TTC22: variants seen among roughly 807,000 people sequenced by gnomAD.
The protein encoded by TTC22 is tetratricopeptide repeat protein 22.
TTC22 carries 42 observed loss-of-function variants against 48.2 expected under a neutral mutation model. The observed-to-expected ratio is 0.87, with a 90% CI of 0.68 to 1.13. The LOEUF is 1.13. TTC22 is among the 50% of genes most tolerant of loss of function. The probability of loss-of-function intolerance (pLI) is 0.00; values close to 1 mark genes in which losing one functional copy is unlikely to be tolerated. For missense variants in TTC22, 784 were observed against 807.0 expected, an observed-to-expected ratio of 0.97 and a Z score of 0.34; for synonymous variants, 345 against 365.5, an observed-to-expected ratio of 0.94 and a Z score of 0.64.
chr1:54,782,620 C>T, intron 5 of TTC22, 143 bp from the exon 6 acceptor site: 4 of 889,986 alleles, frequency 4.5e-6, no homozygotes, highest in Non-Finnish European at 6.6e-6. Flanking sequence ...GGCCAGGACC[C>T]AGGAGTCCTA....
intron 1 of TTC22, among the ~76,000 whole-genome samples, chr1:54,796,741 ATTTAT>A (rs1403868933): frequency 6.6e-6 from 1 of 152,100 alleles, no homozygotes; most frequent in Non-Finnish European, 1.5e-5. Context: ...TTAAAAAGGG[ATTTAT>A]TTTATTTTAA....
intron 1 of TTC22, among the ~76,000 whole-genome samples, chr1:54,788,657 C>A (rs186512945): frequency 2.0e-5 from 3 of 152,254 alleles, no homozygotes; most frequent in Admixed American, 2.0e-4. Flanking sequence ...TTAATGAAAA[C>A]CAGTAAAACC....
intron 5 of TTC22, 100 bp from the exon 6 acceptor site, chr1:54,782,577 G>T: frequency 1.6e-6 from 2 of 1,279,072 alleles, no homozygotes; most frequent in South Asian, 1.5e-5. Flanking sequence ...ACAGCAACCA[G>T]GGAGGTTATG....
At chr1:54,784,841 G>T (rs1343105228) in intron 5 of TTC22, 2 of 1,291,542 alleles carry the variant, frequency 1.5e-6, no homozygotes, top group Non-Finnish European at 2.0e-6. Flanking sequence ...GCTCTGTGTG[G>T]GCTCTAGGAG....
chr1:54,799,685 C>T (rs1294650207), intron 1 of TTC22, among the ~76,000 whole-genome samples: 1 of 152,184 alleles, frequency 6.6e-6, no homozygotes, highest in African/African-American at 2.4e-5. Flanking sequence ...GACCTGGGTT[C>T]TTGTTGACCT....
At position 54,782,397 on chromosome 1, in the gene TTC22, G is replaced by A; in HGVS notation, c.1101C>T (p.Ala367=). 1 of 1,551,474 alleles carries A rather than the reference G, an allele frequency of 6.4e-7. No homozygotes were observed. The highest frequency in any genetic ancestry group is 8.7e-7 in the Non-Finnish European group (1 of 1,146,920). ...CTTCCTCAAGGTCAGCCTTGGCACA[G>A]GCCAGGTGGTTCCTGTCAGGCATGC... ...LGGMPDRNHL[A]CAKADLEEVV... Residue 367 remains alanine (A), a synonymous_variant, in exon 6 of 7, where the codon GCC becomes GCT. Transcript: ENST00000371276.
Position 54,800,588 on chromosome 1 carries a change from G to T in TTC22, c.567+9C>A. The T allele has an allele frequency of 2.0e-6, 3 of 1,495,118 alleles. No individual in the cohort carries two copies. Among genetic ancestry groups the T allele is most frequent in the Non-Finnish European group, 2.6e-6 (3 of 1,135,068 alleles). 92.6% of individuals were successfully genotyped at this position (1,495,118 alleles called of 1,614,324 possible). A position where few individuals can be genotyped will look rare whatever the true frequency, so the allele number is the denominator to read the frequency against. On this transcript the variant is annotated intron_variant, in intron 1 of 6. Transcript: ENST00000371276. ...CCCAGAGGGAGGTAGGGAGACAGGG[G>T]TCACCTACCTGCTGCCCGTAGCCTA...
In TTC22 at chr1:54,781,221, C is replaced by T. The variant is rs756013418; in HGVS notation, c.*22G>A. 1.8e-4 allele frequency: 253 copies of T among 1,417,526 alleles called. No individual in the cohort carries two copies. Among genetic ancestry groups the T allele is most frequent in the Non-Finnish European group, 2.2e-4 (237 of 1,095,084 alleles). 87.8% of individuals were successfully genotyped at this position (1,417,526 alleles called of 1,614,324 possible). On this transcript the variant is annotated 3_prime_UTR_variant, in exon 7 of 7. Transcript: ENST00000371276. ...GGGCCTGGGCGGGGTCCCAGGGAGC[C>T]TCCGGCCTGGGCACCTGAGCCCTAG...
intron 1 of TTC22, chr1:54,792,991 G>C (rs1039455277): frequency 3.3e-5 from 5 of 152,302 alleles, no homozygotes; most frequent in African/African-American, 1.2e-4. Context: ...AAGATGTTTG[G>C]AGGCAGCCTG....
chr1:54,800,397 T>G (rs1280454348), intron 1 of TTC22, among the ~76,000 whole-genome samples, 200 bp downstream of exon 1: 3 of 152,140 alleles, frequency 2.0e-5, no homozygotes, highest in Non-Finnish European at 4.4e-5. Context: ...GCAGTCCCAC[T>G]AGGAAGCGGT....
In TTC22 at chr1:54,781,400, T is replaced by C; in HGVS notation, c.1553A>G (p.Gln518Arg). ...YPAARLRQEL[Q>R]RVWRGHTDEV... Reference sequence around the variant, plus strand: ...GTCCGTGTGCCCGCGCCACACGCGCTGCAGCTCCTGGCGCAGGCGCGCCGC... The same window carrying C: ...GTCCGTGTGCCCGCGCCACACGCGCCGCAGCTCCTGGCGCAGGCGCGCCGC... Residue 518 changes from glutamine to arginine, a missense_variant, in exon 7 of 7, where the codon CAG (glutamine) becomes CGG (arginine). Physicochemically the swap from Gln to Arg is conservative, Grantham distance 43. Transcript: ENST00000371276. 3.6e-6 allele frequency: 5 copies of C among 1,393,856 alleles called. No individual in the cohort carries two copies. The highest frequency in any genetic ancestry group is 4.6e-6 in the Non-Finnish European group (5 of 1,085,214). 86.3% of individuals were successfully genotyped at this position (1,393,856 alleles called of 1,614,324 possible).
At chr1:54,799,050 T>C (rs891483233) in intron 1 of TTC22, among the ~76,000 whole-genome samples, 6 of 152,252 alleles carry the variant, frequency 3.9e-5, no homozygotes, top group African/African-American at 1.4e-4. Context: ...TGATGTCATC[T>C]AATCCTCAGA....
At chr1:54,782,213 T>C (rs1158596311) in intron 6 of TTC22, 112 bp downstream of exon 6, 10 of 1,099,882 alleles carry the variant, frequency 9.1e-6, no homozygotes, top group Non-Finnish European at 1.3e-5. Context: ...TGGGTACTGT[T>C]ATCAGGGAGT....
chr1:54,787,492 C>T, intron 3 of TTC22: 1 of 595,022 alleles, frequency 1.7e-6, no homozygotes, highest in South Asian at 2.0e-5. Flanking sequence ...TCATGAGCTG[C>T]AGACGGGCAA....
chr1:54,799,480 A>G (rs1366971947), intron 1 of TTC22, among the ~76,000 whole-genome samples: 1 of 152,188 alleles, frequency 6.6e-6, no homozygotes, highest in Non-Finnish European at 1.5e-5. Flanking sequence ...CCCAGGGAGA[A>G]GAAGGCCCCA....
chr1:54,794,112 G>A (rs1388791123), intron 1 of TTC22, among the ~76,000 whole-genome samples: 1 of 152,188 alleles, frequency 6.6e-6, no homozygotes, highest in Non-Finnish European at 1.5e-5. Context: ...CATTGCACAA[G>A]GCTCTCACTG....
Position 54,797,620 on chromosome 1 carries a change from ACTCAGT to A in TTC22, c.567+2971_567+2976del, listed in dbSNP as rs149505008. Among the ~76,000 whole-genome samples the A allele has an allele frequency of 5.7e-3, 870 of 152,238 alleles. 4 individuals carry two copies. Among genetic ancestry groups the A allele is most frequent in the African/African-American group, 0.02 (819 of 41,546 alleles). On this transcript the variant is annotated intron_variant, in intron 1 of 6. Coordinates refer to ENST00000371276, the MANE Select transcript of TTC22 (RefSeq NM_001114108.2). Reference sequence around the variant, plus strand: ...CCGAGATCGTGCCATTGCACTCTAGACTCAGTCTCAAAGAAAGAAAGAAAGAAAGAA... The same window carrying A: ...CCGAGATCGTGCCATTGCACTCTAGACTCAAAGAAAGAAAGAAAGAAAGAA...
Position 54,782,206 on chromosome 1 carries a change from G to T in TTC22, c.1173+119C>A, listed in dbSNP as rs900442067. ...TCCTCACCACGGCTGGAGGAGATGG[G>T]TACTGTTATCAGGGAGTGAAACTTT... is the stretch of plus-strand genomic sequence containing the variant. On this transcript the variant is annotated intron_variant, in intron 6 of 6. Coordinates refer to ENST00000371276, the MANE Select transcript of TTC22 (RefSeq NM_001114108.2). 6.0e-6 allele frequency: 6 copies of T among 993,114 alleles called. No homozygotes were observed. In the Admixed American group the frequency reaches 1.5e-4, roughly 24 times the overall value. The allele number at this position is 993,114 out of a possible 1,614,324, so 61.5% of individuals were successfully genotyped here.
intron 1 of TTC22, among the ~76,000 whole-genome samples, chr1:54,789,726 A>G (rs1646335800): frequency 1.3e-5 from 2 of 152,254 alleles, no homozygotes; most frequent in Non-Finnish European, 2.9e-5. Context: ...AAGACACAAT[A>G]GAGTAGAAGG....
Sources: allele counts gnomAD v4.1 joint callset (sites outside exome capture counted in the v4.1 genomes callset), GRCh38; gene constraint gnomAD v4.1.1; transcripts MANE v1.5; gene names NCBI Gene and HGNC (gene_info 2026-07-23, HGNC 2026-07-21).